The following SASH1 variants were observed in gnomAD, a reference collection of about 807,000 sequenced individuals.
SASH1 encodes SAM and SH3 domain containing 1, also known as SAM and SH3 domain-containing protein 1.
A neutral mutation model predicts 125.2 loss-of-function variants in SASH1; 44 were observed. The observed-to-expected ratio is 0.35, with a 90% CI of 0.28 to 0.45. The LOEUF (loss-of-function observed/expected upper bound fraction) is 0.45, where lower values mean the gene tolerates loss of function less well. Among genes scored for constraint, SASH1 ranks in the 20% least tolerant of loss-of-function variants. The pLI, the probability that SASH1 is intolerant of heterozygous loss-of-function variation, is 1.00. For synonymous variants in SASH1, 639 were observed against 649.1 expected, an observed-to-expected ratio of 0.98 and a Z score of 0.24; for missense variants, 1,426 against 1,614.5, an observed-to-expected ratio of 0.88 and a Z score of 2.00.
At chr6:148,490,013 TAAAAAAAAAAA>T (rs57304766) in intron 8 of SASH1, among the ~76,000 whole-genome samples, 1 of 124,978 alleles carries the variant, frequency 8.0e-6, no homozygotes. Context: ...ATCCTGTCTT[TAAAAAAAAAAA>T]AAAAAAAAAC....
chr6:148,218,293 C>T, the SASH1 span, among the ~76,000 whole-genome samples: 2 of 152,140 alleles, frequency 1.3e-5, no homozygotes, highest in Non-Finnish European at 2.9e-5. Flanking sequence ...AAAGAACCAG[C>T]GACAAACAGC....
At chr6:148,343,271 G>A (rs554168163) in intron 1 of SASH1, 48 bp downstream of exon 1, 4 of 1,525,450 alleles carry the variant, frequency 2.6e-6, no homozygotes, top group Non-Finnish European at 3.5e-6. Flanking sequence ...GTTCGCAGCA[G>A]CCCCTCTGAA....
At chr6:148,537,588 T>C (rs889516949) in intron 16 of SASH1, among the ~76,000 whole-genome samples, 1 of 152,108 alleles carries the variant, frequency 6.6e-6, no homozygotes, top group African/African-American at 2.4e-5. Flanking sequence ...GAAGTTAATG[T>C]TTTGCCATAT....
At chr6:148,530,211 T>G (rs967447304) in intron 12 of SASH1, among the ~76,000 whole-genome samples, 5 of 152,222 alleles carry the variant, frequency 3.3e-5, no homozygotes, top group African/African-American at 1.2e-4. Flanking sequence ...TTAGTGCCTG[T>G]TATTGTAGGT....
intron 2 of SASH1, among the ~76,000 whole-genome samples, chr6:148,393,179 T>G (rs900793580): frequency 1.3e-5 from 2 of 151,340 alleles, no homozygotes; most frequent in African/African-American, 4.9e-5. Flanking sequence ...CCCGAGTAGC[T>G]GGGATTACAG....
At chr6:148,368,530 C>T (rs751154763) in intron 1 of SASH1, among the ~76,000 whole-genome samples, 5 of 152,160 alleles carry the variant, frequency 3.3e-5, no homozygotes, top group Non-Finnish European at 7.3e-5. Flanking sequence ...CTCAGCCTCC[C>T]AAAGTGTTGG....
chr6:148,545,563 T>A (rs1782505650), intron 18 of SASH1, among the ~76,000 whole-genome samples: 1 of 152,242 alleles, frequency 6.6e-6, no homozygotes, highest in South Asian at 2.1e-4. Flanking sequence ...TCCTGCAGTT[T>A]AGAAGACTCT....
chr6:148,346,144 T>C (rs1272658198), intron 1 of SASH1, among the ~76,000 whole-genome samples: 1 of 152,212 alleles, frequency 6.6e-6, no homozygotes, highest in Non-Finnish European at 1.5e-5. Context: ...CACAGCTTAG[T>C]AAGTGAAAAC....
intron 2 of SASH1, among the ~76,000 whole-genome samples, chr6:148,409,449 A>C (rs962854816): frequency 4.6e-5 from 7 of 152,256 alleles, no homozygotes; most frequent in African/African-American, 1.7e-4. Context: ...GCTGCCATCC[A>C]TATTGCTAAG....
the SASH1 span, among the ~76,000 whole-genome samples, chr6:148,214,956 A>T: frequency 6.6e-5 from 10 of 152,316 alleles, no homozygotes; most frequent in African/African-American, 2.4e-4. Flanking sequence ...CCCTGTAGTC[A>T]TCACTGGTAG....
chr6:148,239,812 A>T, the SASH1 span, among the ~76,000 whole-genome samples: 2 of 151,626 alleles, frequency 1.3e-5, no homozygotes, highest in Non-Finnish European at 2.9e-5. Flanking sequence ...ACCTATCTTC[A>T]TTCCCTCCTC....
chr6:148,382,831 G>A (rs182486077), intron 1 of SASH1, among the ~76,000 whole-genome samples: 72 of 152,330 alleles, frequency 4.7e-4, no homozygotes, highest in African/African-American at 1.7e-3. Flanking sequence ...GGAGAGAGGG[G>A]ATGGAAGGTA....
intron 8 of SASH1, chr6:148,512,356 T>A (rs1315229312): frequency 4.2e-6 from 2 of 476,416 alleles, no homozygotes; most frequent in Non-Finnish European, 5.5e-6. Flanking sequence ...TTATAGAGAC[T>A]TTCTATAACA....
intron 1 of SASH1, among the ~76,000 whole-genome samples, chr6:148,291,723 G>A (rs758916594): frequency 6.6e-6 from 1 of 151,422 alleles, no homozygotes; most frequent in Non-Finnish European, 1.5e-5. Context: ...TATGACTCGG[G>A]GACTTTTTTT....
At chr6:148,324,110 A>C (rs2493909) in intron 1 of SASH1, among the ~76,000 whole-genome samples, 110,416 of 122,426 alleles carry the variant, frequency 0.9, 49,872 homozygotes, top group African/African-American at 0.93. Context: ...CAGAGCAAGA[A>C]TCTGTCTCAA....
At chr6:148,360,606 C>T (rs2114703343) in intron 1 of SASH1, among the ~76,000 whole-genome samples, 1 of 150,352 alleles carries the variant, frequency 6.7e-6, no homozygotes, top group Non-Finnish European at 1.5e-5. Context: ...CCACCTTGGC[C>T]CCCCAGTGTT....
the SASH1 span, among the ~76,000 whole-genome samples, chr6:148,229,312 A>G: frequency 6.6e-6 from 1 of 152,148 alleles, no homozygotes; most frequent in Non-Finnish European, 1.5e-5. Context: ...AGACTTGGGG[A>G]GGGTTAGTGG....
the SASH1 span, among the ~76,000 whole-genome samples, chr6:148,250,318 C>T: frequency 3.3e-5 from 5 of 152,114 alleles, no homozygotes; most frequent in Non-Finnish European, 5.9e-5. Context: ...ATATCTGCCT[C>T]GGCTCCTAAA....
At chr6:148,253,740 C>T in the SASH1 span, among the ~76,000 whole-genome samples, 10 of 152,126 alleles carry the variant, frequency 6.6e-5, no homozygotes, top group African/African-American at 2.4e-4. Flanking sequence ...GGCATGGTGG[C>T]ACGTGCCTGT....
Sources: gnomAD v4.1 joint callset for allele counts (sites outside exome capture counted in the v4.1 genomes callset) on GRCh38, gnomAD v4.1.1 for gene constraint, MANE v1.5 for transcripts, NCBI Gene and HGNC (gene_info 2026-07-23, HGNC 2026-07-21) for gene names.